ENTPD6: variants seen among roughly 807,000 people sequenced by gnomAD.
The protein encoded by ENTPD6 is CD39 antigen-like 2.
A neutral mutation model predicts 61.5 loss-of-function variants in ENTPD6; 46 were observed. The ratio of observed to expected loss-of-function variants is 0.75; its 90% CI spans 0.59 to 0.96. The LOEUF is 0.96. ENTPD6 is among the 40% of genes least tolerant of loss of function. ENTPD6 has a pLI of 0.00. For synonymous variants in ENTPD6, 252 were observed against 255.5 expected (o/e 0.99, Z 0.13); for missense variants, 612 against 629.0 (o/e 0.97, Z 0.29).
chr20:25,210,091 G>A (rs1014226980), intron 4 of ENTPD6, among the ~76,000 whole-genome samples, 166 bp downstream of exon 4: 5 of 152,212 alleles, frequency 3.3e-5, no homozygotes, highest in African/African-American at 1.2e-4. Flanking sequence ...GGTGTGCAGC[G>A]CGCGAGCCCA....
At position 25,217,567 on chromosome 20, in the gene ENTPD6, GCT is replaced by G; in HGVS notation, c.867_868del (p.Tyr290PhefsTer26). On this transcript the variant is annotated frameshift_variant, in exon 9 of 15. Transcript: ENST00000376652. LOFTEE classifies it high-confidence loss of function. ...ALRMFNRTYK[L>X]YSYSYLGLGL... ...TGCGGATGTTTAACAGGACCTACAA[GCT>G]CTATTCCTACAGGTCTGCTTTCGGG... 6.2e-7 allele frequency: 1 copy of G among 1,614,122 alleles called. No homozygotes were observed.
chr20:25,198,525 C>T (rs542558460), intron 1 of ENTPD6, among the ~76,000 whole-genome samples: 3 of 151,806 alleles, frequency 2.0e-5, no homozygotes, highest in African/African-American at 7.3e-5. Context: ...TTTTATTAAA[C>T]GTATTCACAG....
At chr20:25,204,348 C>T (rs2091289022) in intron 1 of ENTPD6, among the ~76,000 whole-genome samples, 1 of 152,114 alleles carries the variant, frequency 6.6e-6, no homozygotes, top group Admixed American at 6.5e-5. Context: ...ACCCTTAACT[C>T]TGAATTATCG....
intron 11 of ENTPD6, 170 bp downstream of exon 11, chr20:25,221,503 T>A: frequency 1.4e-6 from 1 of 694,804 alleles, no homozygotes; most frequent in Non-Finnish European, 2.6e-6. Flanking sequence ...GGGGCCTGTG[T>A]CTGTGCTGAG....
At position 25,228,063 on chromosome 20, in the gene ENTPD6, T is replaced by C. The variant is rs2092824779; in HGVS notation, c.*2466T>C. On this transcript the variant is annotated 3_prime_UTR_variant, in exon 15 of 15. Transcript: ENST00000376652. ...AGATCTTTATTTATTAAGGAAATTATCCCATTATGATAGAACGTGTCCAAA... is the reference window on the plus strand; with the variant it reads ...AGATCTTTATTTATTAAGGAAATTACCCCATTATGATAGAACGTGTCCAAA... Among the ~76,000 whole-genome samples, 1 of 152,222 alleles carries C rather than the reference T, an allele frequency of 6.6e-6. No individual in the cohort carries two copies. Among genetic ancestry groups the C allele is most frequent in the South Asian group, 2.1e-4 (1 of 4,828 alleles).
intron 4 of ENTPD6, among the ~76,000 whole-genome samples, chr20:25,210,144 C>G (rs966308930): frequency 5.3e-5 from 8 of 152,230 alleles, no homozygotes; most frequent in Non-Finnish European, 4.4e-5. Context: ...CTGACTCCAC[C>G]GTGCCAGCGC....
chr20:25,215,735 G>C, intron 7 of ENTPD6, 24 bp downstream of exon 7: 1 of 1,613,790 alleles, frequency 6.2e-7, no homozygotes, highest in Non-Finnish European at 8.5e-7. Context: ...GCATCACAGA[G>C]GCTAGCCGAT....
chr20:25,196,170 C>T, intron 1 of ENTPD6: 11 of 1,209,450 alleles, frequency 9.1e-6, no homozygotes, highest in Non-Finnish European at 1.1e-5. Context: ...TTTGCGGACC[C>T]GCCCCCAGTC....
At chr20:25,218,121 A>G (rs2092438324) in intron 9 of ENTPD6, among the ~76,000 whole-genome samples, 1 of 152,070 alleles carries the variant, frequency 6.6e-6, no homozygotes, top group Non-Finnish European at 1.5e-5. Context: ...TCTACAGTAT[A>G]CGCACATTCC....
rs750451659 is a variant in ENTPD6 at position 25,225,112 on chromosome 20, G to A, written c.1244-93G>A. On this transcript the variant is annotated intron_variant, in intron 13 of 14. Transcript: ENST00000376652. ...TGAATCCGGAGTGCGGAGCCAGCGGGTGCCTGTAGTGGGTGGAATTGGGGT... is the reference window on the plus strand; with the variant it reads ...TGAATCCGGAGTGCGGAGCCAGCGGATGCCTGTAGTGGGTGGAATTGGGGT... 5.2e-5 allele frequency: 79 copies of A among 1,514,256 alleles called. 2 individuals carry two copies. The Admixed American group carries it at 1.3e-3, about 25-fold the overall frequency. 93.8% of individuals were successfully genotyped at this position (1,514,256 alleles called of 1,614,324 possible). A position where few individuals can be genotyped will look rare whatever the true frequency, so the allele number is the denominator to read the frequency against.
At chr20:25,210,702 GA>G (rs1237960670) in intron 4 of ENTPD6, among the ~76,000 whole-genome samples, 1 of 152,212 alleles carries the variant, frequency 6.6e-6, no homozygotes, top group Non-Finnish European at 1.5e-5. Context: ...AGCACTTTGG[GA>G]GGCTGACGCG....
chr20:25,210,450 A>C, intron 4 of ENTPD6, among the ~76,000 whole-genome samples: 1 of 136,684 alleles, frequency 7.3e-6, no homozygotes, highest in African/African-American at 2.5e-5. Context: ...GTTGAAGACC[A>C]GCCTGGGCAA....
chr20:25,224,486 G>T, intron 13 of ENTPD6: 1 of 197,522 alleles, frequency 5.1e-6, no homozygotes, highest in Non-Finnish European at 1.0e-5. Context: ...AGCCTGGGAT[G>T]TGGGGTGGAG....
At chr20:25,209,267 G>A (rs1363596721) in intron 3 of ENTPD6, among the ~76,000 whole-genome samples, 3 of 151,242 alleles carry the variant, frequency 2.0e-5, no homozygotes, top group South Asian at 2.1e-4. Context: ...CCGCCACCAC[G>A]CCCAGCTAGT....
rs189598636 is a variant in ENTPD6 at position 25,226,387 on chromosome 20, C to T, written c.*790C>T. 6.5e-6 allele frequency: 1 copy of T among 152,806 alleles called. No individual in the cohort carries two copies. The highest frequency in any genetic ancestry group is 1.9e-4 in the East Asian group (1 of 5,170). The allele number at this position is 152,806 out of a possible 1,614,324, so 9.5% of individuals were successfully genotyped here. A position where few individuals can be genotyped will look rare whatever the true frequency, so the allele number is the denominator to read the frequency against. On this transcript the variant is annotated 3_prime_UTR_variant, in exon 15 of 15. Coordinates refer to ENST00000376652, the MANE Select transcript of ENTPD6 (RefSeq NM_001247.5). ...CTTGTGTAGAAACTGTGTTCTGAGC[C>T]CCCTTTTCTGGACACCAACTGTGTC...
chr20:25,211,951 G>A (rs1159161118), intron 4 of ENTPD6, among the ~76,000 whole-genome samples: 1 of 152,114 alleles, frequency 6.6e-6, no homozygotes, highest in Non-Finnish European at 1.5e-5. Context: ...CGGGACCATA[G>A]ATGCACACCG....
intron 3 of ENTPD6, among the ~76,000 whole-genome samples, chr20:25,208,476 A>C (rs2091690685): frequency 7.2e-6 from 1 of 137,998 alleles, no homozygotes; most frequent in Admixed American, 7.1e-5. Flanking sequence ...GGAACTTTTT[A>C]AAAATTAATA....
intron 13 of ENTPD6, 109 bp downstream of exon 13, chr20:25,224,266 C>A: frequency 1.1e-6 from 1 of 938,232 alleles, no homozygotes; most frequent in Non-Finnish European, 1.6e-6. Context: ...AAACAATGGC[C>A]ACAGGCAGGG....
chr20:25,222,904 C>T lies in ENTPD6; in HGVS notation c.1112C>T (p.Thr371Met), dbSNP rs753078375. 4.2e-5 allele frequency: 68 copies of T among 1,613,892 alleles called. No homozygotes were observed. Among genetic ancestry groups the T allele is most frequent in the African/African-American group, 8.0e-5 (6 of 75,028 alleles). ...SEVLQNRVHR[T>M]EEVKHVDFYA... ...GTCCTTCAAAACAGAGTGCACAGGA[C>T]GGAGGAAGTGAAGCATGTGGACTTC... Residue 371 changes from threonine to methionine, a missense_variant, in exon 12 of 15, where the codon ACG becomes ATG. Thr to Met is a moderately conservative substitution (Grantham distance 81). Transcript: ENST00000376652.
Sources: gnomAD v4.1 joint callset for allele counts (sites outside exome capture counted in the v4.1 genomes callset) on GRCh38, gnomAD v4.1.1 for gene constraint, MANE v1.5 for transcripts, NCBI Gene and HGNC (gene_info 2026-07-23, HGNC 2026-07-21) for gene names.